The following IRF5 variants were observed in gnomAD, a reference collection of about 807,000 sequenced individuals.
The protein encoded by IRF5 is interferon regulatory factor 5.
In IRF5, 24 loss-of-function variants were observed where a neutral mutation model predicts 55.1. That is an observed-to-expected ratio of 0.44 (90% CI 0.32 to 0.61). The LOEUF is 0.61. IRF5 is among the 20% of genes least tolerant of loss of function. The pLI, the probability that IRF5 is intolerant of heterozygous loss-of-function variation, is 0.07. For synonymous variants in IRF5, 258 were observed against 260.2 expected (o/e 0.99, Z 0.08); for missense variants, 499 against 658.5 (o/e 0.76, Z 2.65).
intron 2 of IRF5, 75 bp downstream of exon 2, chr7:128,942,351 C>G: frequency 7.3e-7 from 1 of 1,375,538 alleles, no homozygotes; most frequent in South Asian, 1.4e-5. Flanking sequence ...ATAACGCACA[C>G]AGGCAGCTCC....
At chr7:128,942,696 C>T (rs1327265839) in intron 2 of IRF5, among the ~76,000 whole-genome samples, 1 of 152,150 alleles carries the variant, frequency 6.6e-6, no homozygotes, top group Non-Finnish European at 1.5e-5. Flanking sequence ...CATAACTCGT[C>T]CTACTCACCC....
chr7:128,947,733 C>T lies in IRF5; in HGVS notation c.792C>T (p.Thr264=), dbSNP rs1241157389. The T allele has an allele frequency of 6.9e-6, 11 of 1,602,806 alleles. No homozygotes were observed. Among genetic ancestry groups the T allele is most frequent in the Middle Eastern group, 1.7e-4 (1 of 6,052 alleles). ...GGCCTGCCTTCTGCCCCACAGTGAC[C>T]GACCTGGAGATCAAGTTTCAGTACC... ...LLISPHMLPL[T]DLEIKFQYRG... is the part of the protein sequence containing the mutation. Residue 264 remains threonine (T), a synonymous_variant, in exon 7 of 9, where the codon ACC becomes ACT. Transcript: ENST00000357234. The surrounding 1 kb of genome is among the most constrained non-coding windows in gnomAD (Gnocchi z 6.5).
Position 128,948,792 on chromosome 7 carries a change from C to CCT in IRF5, c.1520_1521dup (p.Met508LeufsTer99). 1 of 1,606,222 alleles carries CCT rather than the reference C, an allele frequency of 6.2e-7. No individual in the cohort carries two copies. The highest frequency in any genetic ancestry group is 8.5e-7 in the Non-Finnish European group (1 of 1,179,780). On this transcript the variant is annotated frameshift_variant, in exon 9 of 9. Transcript: ENST00000357234. LOFTEE classifies it high-confidence loss of function. The surrounding 1 kb of genome is among the most constrained non-coding windows in gnomAD (Gnocchi z 4.6). ...CCTTGGTGTTGGCCAGGGGCCCTGG[C>CCT]CTATGCACCCAGCTGGCATGCAATA...
In IRF5 at chr7:128,948,868, C is replaced by G. The variant is rs368351329; in HGVS notation, c.*50C>G. 54 of 1,578,066 alleles carry G rather than the reference C, an allele frequency of 3.4e-5. No homozygotes were observed. The African/African-American group carries it at 5.6e-4, about 16-fold the overall frequency. On this transcript the variant is annotated 3_prime_UTR_variant, in exon 9 of 9. Transcript: ENST00000357234. This position sits in a 1 kb window ranked among gnomAD's most constrained non-coding sequence, Gnocchi z 4.6. ...CTGGCTTCCTGGGTGGCGGTGCGGA[C>G]TGATGTGGAGATGTGACAGCCCCGA...
intron 2 of IRF5, among the ~76,000 whole-genome samples, chr7:128,943,973 T>A (rs2128961286): frequency 6.6e-6 from 1 of 152,286 alleles, no homozygotes; most frequent in Non-Finnish European, 1.5e-5. Context: ...GCCTCCTGAG[T>A]AGCTGGTATC....
chr7:128,945,709 A>G (rs1442486671), intron 2 of IRF5, 136 bp from the exon 3 acceptor site: 29 of 794,200 alleles, frequency 3.7e-5, no homozygotes, highest in Non-Finnish European at 5.0e-5. Context: ...GCTGCAAACC[A>G]GGTCTGGGGC....
chr7:128,941,764 A>G (rs944438924), intron 1 of IRF5, among the ~76,000 whole-genome samples: 3 of 152,078 alleles, frequency 2.0e-5, no homozygotes, highest in African/African-American at 7.2e-5. Context: ...GAGTAGTGGA[A>G]GGCGGTTCTC....
chr7:128,941,256 GCTGTGGCTTCTGTTTC>G (rs1357245707), intron 1 of IRF5: 1 of 152,414 alleles, frequency 6.6e-6, no homozygotes, highest in Non-Finnish European at 1.5e-5. Context: ...AGCAGTTAGA[GCTGTGGCTTCTGTTTC>G]CTGTAGCCTT....
At position 128,948,573 on chromosome 7, in the gene IRF5, G is replaced by A. The variant is rs1277928197; in HGVS notation, c.1300G>A (p.Val434Met). The change falls in exon 9 of 9, where the codon GTG becomes ATG. Residue 434 changes from valine to methionine, a missense_variant and splice_region_variant. Physicochemically the swap from Val to Met is conservative, Grantham distance 21. Around this residue, in one of 2 missense-constraint regions of IRF5, gnomAD observed 194 missense variants for 318.3 expected, o/e 0.61. Coordinates refer to ENST00000357234, the MANE Select transcript of IRF5 (RefSeq NM_001098629.3). This position sits in a 1 kb window ranked among gnomAD's most constrained non-coding sequence, Gnocchi z 4.6. ...GTCTCATCTCCTCTTTGCCTCCCAGGTGGTGCCTGTAGCAGCTCGACTGCT... is the reference window on the plus strand; with the variant it reads ...GTCTCATCTCCTCTTTGCCTCCCAGATGGTGCCTGTAGCAGCTCGACTGCT... Reference protein sequence around the residue: ...PREKKLITVQVVPVAARLLLE... With the variant: ...PREKKLITVQMVPVAARLLLE... 1.2e-6 allele frequency: 2 copies of A among 1,613,656 alleles called. No homozygotes were observed. The highest frequency in any genetic ancestry group is 1.1e-5 in the South Asian group (1 of 91,070).
chr7:128,939,963 C>T (rs1301754450), intron 1 of IRF5, among the ~76,000 whole-genome samples: 2 of 152,220 alleles, frequency 1.3e-5, no homozygotes, highest in African/African-American at 4.8e-5. Flanking sequence ...AGACCTAGCC[C>T]TTTTCTGGGC....
chr7:128,947,640 G>T lies in IRF5; in HGVS notation c.788-89G>T. ...ACTCCCTTGGGTGGGAAAAGTGGGA[G>T]GGCGGATGGGGCTGGGCCTGGCCAC... On this transcript the variant is annotated intron_variant, in intron 6 of 8. Coordinates refer to ENST00000357234, the MANE Select transcript of IRF5 (RefSeq NM_001098629.3). The surrounding 1 kb of genome is among the most constrained non-coding windows in gnomAD (Gnocchi z 6.5). 4.7e-6 allele frequency: 7 copies of T among 1,503,732 alleles called. No homozygotes were observed. In the South Asian group the frequency reaches 9.0e-5, roughly 19 times the overall value. The allele number at this position is 1,503,732 out of a possible 1,614,324, so 93.1% of individuals were successfully genotyped here. A position where few individuals can be genotyped will look rare whatever the true frequency, so the allele number is the denominator to read the frequency against.
rs1796306634 is a variant in IRF5, at chr7:128,946,447, TCTC to T, written c.386-49_386-47del. 1.5e-5 allele frequency: 23 copies of T among 1,561,996 alleles called. No individual in the cohort carries two copies. The highest frequency in any genetic ancestry group is 1.9e-5 in the Non-Finnish European group (22 of 1,151,934). On this transcript the variant is annotated intron_variant, in intron 3 of 8. Transcript: ENST00000357234. This position sits in a 1 kb window ranked among gnomAD's most constrained non-coding sequence, Gnocchi z 4.2. The stretch of plus-strand genomic sequence containing the variant: ...AGGCAGCCTCTCAGGGGATCTTGCT[TCTC>T]CTCCGACATTGACTCCTTTACTGCC...
upstream of IRF5, chr7:128,937,674 A>C (rs1285843744): frequency 6.6e-6 from 1 of 152,372 alleles, no homozygotes; most frequent in Non-Finnish European, 1.5e-5. Flanking sequence ...CCCAGGGCCC[A>C]ACTGAGCACT....
At position 128,946,629 on chromosome 7, in the gene IRF5, G is replaced by A. The variant is rs1563075925; in HGVS notation, c.447+67G>A. 9.3e-7 allele frequency: 1 copy of A among 1,079,530 alleles called. No homozygotes were observed. The highest frequency in any genetic ancestry group is 1.3e-5 in the South Asian group (1 of 75,196). 66.9% of individuals were successfully genotyped at this position (1,079,530 alleles called of 1,614,324 possible). On this transcript the variant is annotated intron_variant, in intron 4 of 8. Coordinates refer to ENST00000357234, the MANE Select transcript of IRF5 (RefSeq NM_001098629.3). The surrounding 1 kb of genome is among the most constrained non-coding windows in gnomAD (Gnocchi z 4.2). ...TCTCTGCTGTCCCCATCGGCCTTAG[G>A]TTTCCGCAGCCCCACTCCCATGGAG...
At position 128,942,268 on chromosome 7, in the gene IRF5, A is replaced by G; in HGVS notation, c.187A>G (p.Ile63Val). 1.2e-6 allele frequency: 2 copies of G among 1,611,396 alleles called. No individual in the cohort carries two copies. Among genetic ancestry groups the G allele is most frequent in the South Asian group, 1.1e-5 (1 of 90,906 alleles). Residue 63 changes from isoleucine (I) to valine (V), a missense_variant, in exon 2 of 9, where the codon ATC (isoleucine) becomes GTC (valine). Ile to Val is a conservative substitution (Grantham distance 29). Around this residue, in one of 2 missense-constraint regions of IRF5, gnomAD observed 305 missense variants for 340.2 expected, o/e 0.90. Transcript: ENST00000357234. ...TCCCAGCCAGGACGGAGATAACACC[A>G]TCTTCAAGGTAAGCCCCGGGGAGGA... ...HGPSQDGDNTIFKAWAKETGK... is the reference protein window; with the variant it reads ...HGPSQDGDNTVFKAWAKETGK...
In IRF5 at chr7:128,946,620, C is replaced by A; in HGVS notation, c.447+58C>A. 1.6e-6 allele frequency: 2 copies of A among 1,214,164 alleles called. No homozygotes were observed. The highest frequency in any genetic ancestry group is 2.4e-5 in the East Asian group (1 of 41,222). The allele number at this position is 1,214,164 out of a possible 1,614,324, so 75.2% of individuals were successfully genotyped here. ...TGGACGAGCTCTCTGCTGTCCCCAT[C>A]GGCCTTAGGTTTCCGCAGCCCCACT... On this transcript the variant is annotated intron_variant, in intron 4 of 8. Coordinates refer to ENST00000357234, the MANE Select transcript of IRF5 (RefSeq NM_001098629.3). This position sits in a 1 kb window ranked among gnomAD's most constrained non-coding sequence, Gnocchi z 4.2.
Position 128,946,983 on chromosome 7 carries a change from C to T in IRF5, c.448-40C>T. On this transcript the variant is annotated intron_variant, in intron 4 of 8. Transcript: ENST00000357234. The surrounding 1 kb of genome is among the most constrained non-coding windows in gnomAD (Gnocchi z 4.2). ...AGTGGAATAACCTGTCCTCCTTTCT[C>T]TCCCATCTCTTCCCTCCCTTGCTGG... 6.2e-7 allele frequency: 1 copy of T among 1,613,148 alleles called. No individual in the cohort carries two copies. Among genetic ancestry groups the T allele is most frequent in the Non-Finnish European group, 8.5e-7 (1 of 1,179,306 alleles).
chr7:128,943,002 C>G (rs934858735), intron 2 of IRF5: 75 of 149,626 alleles, frequency 5.0e-4, no homozygotes, highest in Middle Eastern at 3.3e-3. Flanking sequence ...GACAGGGCCT[C>G]ACACTGTTGA....
At chr7:128,937,523 C>CGACT (rs1050485515), upstream of IRF5, 9 of 152,464 alleles carry the variant, frequency 5.9e-5, no homozygotes, top group African/African-American at 1.9e-4. Context: ...CTGGGGGCAG[C>CGACT]GACTGTGTTC....
Sources: allele counts gnomAD v4.1 joint callset (sites outside exome capture counted in the v4.1 genomes callset), GRCh38; gene constraint gnomAD v4.1.1; regional missense constraint gnomAD v4.1.1; non-coding constraint Gnocchi (gnomAD v3.1); transcripts MANE v1.5; gene names NCBI Gene and HGNC (gene_info 2026-07-23, HGNC 2026-07-21).